ACAD10: variants seen among roughly 807,000 people sequenced by gnomAD.
The protein encoded by ACAD10 is acyl-CoA dehydrogenase family member 10.
In ACAD10, 112 loss-of-function variants were observed where a neutral mutation model predicts 116.8. That is an observed-to-expected ratio of 0.96 (90% confidence interval 0.82 to 1.12). The LOEUF (loss-of-function observed/expected upper bound fraction) is 1.12. Ranked by LOEUF, ACAD10 falls within the 50% of genes most tolerant of loss-of-function variation. The probability of loss-of-function intolerance (pLI) is 0.00; values close to 1 mark genes in which losing one functional copy is unlikely to be tolerated. For missense variants in ACAD10, 1,259 were observed against 1,350.2 expected (o/e 0.93, Z 1.06); for synonymous variants, 486 against 510.6 (o/e 0.95, Z 0.65).
intron 8 of ACAD10, among the ~76,000 whole-genome samples, chr12:111,723,254 C>T (rs1215056428): frequency 7.4e-6 from 1 of 134,828 alleles, no homozygotes; most frequent in Non-Finnish European, 1.6e-5. Flanking sequence ...TCCTCACTTC[C>T]CAGTAGGGGC....
chr12:111,708,160 A>G (rs1441091450), intron 4 of ACAD10, among the ~76,000 whole-genome samples: 1 of 152,220 alleles, frequency 6.6e-6, no homozygotes, highest in Non-Finnish European at 1.5e-5. Flanking sequence ...CTGCTTTGCC[A>G]AGAAAGTAAT....
chr12:111,723,805 G>T (rs1434859654), intron 8 of ACAD10, among the ~76,000 whole-genome samples: 2 of 151,460 alleles, frequency 1.3e-5, no homozygotes, highest in African/African-American at 4.9e-5. Flanking sequence ...CGGCTGCCGG[G>T]CGGAGGGCCT....
chr12:111,721,812 C>G, intron 8 of ACAD10, 73 bp downstream of exon 8: 6 of 1,315,062 alleles, frequency 4.6e-6, no homozygotes, highest in Non-Finnish European at 5.2e-6. Flanking sequence ...AACACAAATT[C>G]CAATTTGTTA....
At chr12:111,713,547 C>T (rs1888753412) in intron 6 of ACAD10, among the ~76,000 whole-genome samples, 1 of 151,508 alleles carries the variant, frequency 6.6e-6, no homozygotes, top group African/African-American at 2.4e-5. Context: ...ATTGCTTGAA[C>T]CTGGGAGGCA....
intron 8 of ACAD10, among the ~76,000 whole-genome samples, chr12:111,727,608 C>G (rs74446006): frequency 0.015 from 2,333 of 152,224 alleles, 71 homozygotes; most frequent in African/African-American, 0.053. Context: ...CTGAGCCTTG[C>G]TGCTTGCTAC....
At chr12:111,713,959 T>C (rs1888768041) in intron 6 of ACAD10, among the ~76,000 whole-genome samples, 1 of 147,464 alleles carries the variant, frequency 6.8e-6, no homozygotes, top group African/African-American at 2.5e-5. Flanking sequence ...GGAAAAATAA[T>C]GTTGCTGGGT....
At chr12:111,726,786 G>T (rs576538920) in intron 8 of ACAD10, among the ~76,000 whole-genome samples, 1 of 151,834 alleles carries the variant, frequency 6.6e-6, no homozygotes, top group Non-Finnish European at 1.5e-5. Flanking sequence ...ACTTGAACCC[G>T]GGAGGCGGAG....
chr12:111,706,783 T>TATA (rs1555256498), intron 4 of ACAD10, among the ~76,000 whole-genome samples: 10 of 105,682 alleles, frequency 9.5e-5, no homozygotes, highest in East Asian at 4.4e-4. Flanking sequence ...TATATATATA[T>TATA]TTTTTTTTTT....
At chr12:111,708,731 G>T (rs1342866204) in intron 4 of ACAD10, among the ~76,000 whole-genome samples, 1 of 151,994 alleles carries the variant, frequency 6.6e-6, no homozygotes, top group Non-Finnish European at 1.5e-5. Flanking sequence ...AGGAGATTGG[G>T]CCCACTCTAT....
At chr12:111,722,738 A>T (rs1889053370) in intron 8 of ACAD10, among the ~76,000 whole-genome samples, 2 of 152,230 alleles carry the variant, frequency 1.3e-5, no homozygotes, top group African/African-American at 4.8e-5. Context: ...AAGGCAGAAG[A>T]AGTTTTCTTA....
rs1467126793 is a variant in ACAD10, at chr12:111,728,146, G to A, written c.1243+3G>A. On this transcript the variant is annotated splice_donor_region_variant and intron_variant, in intron 9 of 20. Transcript: ENST00000313698. Reference sequence around the variant, plus strand: ...ACTTGAAGACTATGGGAAGCAAGGTGAGCAGGAGGCCACGTCTCCCATGCT... The same window carrying A: ...ACTTGAAGACTATGGGAAGCAAGGTAAGCAGGAGGCCACGTCTCCCATGCT... 1 of 1,594,136 alleles carries A rather than the reference G, an allele frequency of 6.3e-7. No homozygotes were observed. Among genetic ancestry groups the A allele is most frequent in the Admixed American group, 1.8e-5 (1 of 56,594 alleles).
At chr12:111,694,108 A>G (rs536253939) in intron 2 of ACAD10, among the ~76,000 whole-genome samples, 1 of 152,258 alleles carries the variant, frequency 6.6e-6, no homozygotes, top group African/African-American at 2.4e-5. Context: ...TCCATCCTAA[A>G]TCAACCCAGG....
intron 18 of ACAD10, among the ~76,000 whole-genome samples, chr12:111,751,799 C>A (rs140569752): frequency 6.6e-6 from 1 of 151,690 alleles, no homozygotes; most frequent in African/African-American, 2.4e-5. Flanking sequence ...TGGCTCATAC[C>A]TGTAATTCCA....
intron 13 of ACAD10, 186 bp downstream of exon 13, chr12:111,745,229 G>A: frequency 1.5e-6 from 1 of 689,420 alleles, no homozygotes. Context: ...TGCTCTTGCT[G>A]TGCCTGTGTC....
rs368310330 is a variant in ACAD10 at position 111,747,108 on chromosome 12, C to T, written c.2316C>T (p.Thr772=). The change falls in exon 15 of 21, where the codon ACC becomes ACT. Residue 772 remains threonine (T), a synonymous_variant. Coordinates refer to ENST00000313698, the MANE Select transcript of ACAD10 (RefSeq NM_025247.6). The stretch of plus-strand genomic sequence containing the variant: ...TGGAGCTGCTGGTGAGGTATGGCAC[C>T]GAAGCGCAGAAGGCTCGCTGGCTGA... ...GNMELLVRYG[T]EAQKARWLIP... The T allele has an allele frequency of 6.2e-6, 10 of 1,613,196 alleles. No homozygotes were observed. Among genetic ancestry groups the T allele is most frequent in the Non-Finnish European group, 7.6e-6 (9 of 1,179,500 alleles).
intron 8 of ACAD10, among the ~76,000 whole-genome samples, chr12:111,723,890 G>A (rs1419301197): frequency 1.2e-4 from 18 of 150,504 alleles, no homozygotes; most frequent in Admixed American, 1.2e-3. Context: ...GGGCAGGGAC[G>A]CTCCTCACCT....
chr12:111,694,510 A>T (rs950515974), intron 2 of ACAD10, among the ~76,000 whole-genome samples: 3 of 150,786 alleles, frequency 2.0e-5, no homozygotes, highest in Admixed American at 2.0e-4. Flanking sequence ...ACCTGTCTCT[A>T]AAAAAAAAGG....
chr12:111,719,503 C>T (rs993001815), intron 7 of ACAD10, among the ~76,000 whole-genome samples: 1 of 152,152 alleles, frequency 6.6e-6, no homozygotes, highest in Non-Finnish European at 1.5e-5. Context: ...CCACCTGCCT[C>T]GGCCTCCCGG....
At chr12:111,729,685 C>T in intron 9 of ACAD10, 121 bp from the exon 10 acceptor site, 2 of 1,234,656 alleles carry the variant, frequency 1.6e-6, no homozygotes, top group Non-Finnish European at 2.3e-6. Context: ...GGAACGTGTT[C>T]AAAGACACTG....
Sources: gnomAD v4.1 joint callset for allele counts (sites outside exome capture counted in the v4.1 genomes callset) on GRCh38, gnomAD v4.1.1 for gene constraint, MANE v1.5 for transcripts, NCBI Gene and HGNC (gene_info 2026-07-23, HGNC 2026-07-21) for gene names.